Variants in GPC5 observed in about 807,000 individuals in gnomAD.
The protein encoded by GPC5 is glypican-5.
A neutral mutation model predicts 53.9 loss-of-function variants in GPC5; 47 were observed. That is an observed-to-expected ratio of 0.87 (90% CI 0.69 to 1.11). GPC5 has a LOEUF of 1.11. Ranked by LOEUF, GPC5 falls within the 50% of genes most tolerant of loss-of-function variation. GPC5 has a pLI of 0.00. For missense variants in GPC5, 748 were observed against 713.1 expected (o/e 1.05, Z -0.56); for synonymous variants, 286 against 263.3 (o/e 1.09, Z -0.84).
chr13:91,478,363 G>T (rs1006852829), intron 2 of GPC5, among the ~76,000 whole-genome samples: 2 of 151,768 alleles, frequency 1.3e-5, no homozygotes, highest in East Asian at 3.9e-4. Flanking sequence ...CCATTTCACT[G>T]TCTTTTTTCT....
intron 6 of GPC5, among the ~76,000 whole-genome samples, chr13:91,949,033 G>C (rs1378501182): frequency 6.6e-6 from 1 of 152,124 alleles, no homozygotes; most frequent in Non-Finnish European, 1.5e-5. Context: ...ATGATTACCA[G>C]GTAGTCGTTA....
intron 7 of GPC5, among the ~76,000 whole-genome samples, chr13:92,409,140 A>C (rs1008422525): frequency 2.6e-5 from 4 of 152,016 alleles, no homozygotes; most frequent in Non-Finnish European, 4.4e-5. Context: ...AAAATTAAAC[A>C]AATATATTTA....
intron 7 of GPC5, among the ~76,000 whole-genome samples, chr13:92,425,929 C>A (rs1357130205): frequency 6.6e-6 from 1 of 151,984 alleles, no homozygotes; most frequent in East Asian, 1.9e-4. Context: ...TTTCTAATAT[C>A]ATATTTACAC....
rs539675041 is a variant in GPC5 at position 92,412,768 on chromosome 13, G to T, written c.1561+267779G>T. Among the ~76,000 whole-genome samples the T allele has an allele frequency of 6.6e-4, 101 of 152,210 alleles. 1 individual carries two copies. The highest frequency in any genetic ancestry group is 2.2e-3 in the African/African-American group (91 of 41,552). ...GCCAACCCCTGAGTTAAATAACTTA[G>T]TAATACTTTACCTCTCTACTGAAAT... On this transcript the variant is annotated intron_variant, in intron 7 of 7. Coordinates refer to ENST00000377067, the MANE Select transcript of GPC5 (RefSeq NM_004466.6).
chr13:91,886,051 A>T (rs2039318369), intron 5 of GPC5, among the ~76,000 whole-genome samples: 1 of 152,090 alleles, frequency 6.6e-6, no homozygotes, highest in Admixed American at 6.6e-5. Flanking sequence ...AGATTGCGTT[A>T]GTCTATTTTC....
At chr13:92,331,129 T>C (rs1480862636) in intron 7 of GPC5, among the ~76,000 whole-genome samples, 2 of 152,218 alleles carry the variant, frequency 1.3e-5, no homozygotes, top group Non-Finnish European at 2.9e-5. Context: ...ATTACCTGTG[T>C]ATTATCTCTG....
At chr13:91,887,278 G>T (rs1594641743) in intron 5 of GPC5, among the ~76,000 whole-genome samples, 2 of 152,290 alleles carry the variant, frequency 1.3e-5, no homozygotes, top group African/African-American at 2.4e-5. Context: ...GGGTGGAGCG[G>T]CTGCAATGCA....
chr13:92,245,300 T>C (rs979765669), intron 7 of GPC5, among the ~76,000 whole-genome samples: 2 of 152,174 alleles, frequency 1.3e-5, no homozygotes, highest in Non-Finnish European at 2.9e-5. Flanking sequence ...CTACCCTATC[T>C]GAAGTAGCTT....
intron 7 of GPC5, among the ~76,000 whole-genome samples, chr13:92,461,884 C>A (rs116817252): frequency 0.01 from 1,545 of 152,288 alleles, 28 homozygotes; most frequent in African/African-American, 0.035. Context: ...ACAGCCTGAG[C>A]TAAGACAGAT....
chr13:92,513,733 T>C (rs1880666022), intron 7 of GPC5, among the ~76,000 whole-genome samples: 1 of 152,142 alleles, frequency 6.6e-6, no homozygotes, highest in African/African-American at 2.4e-5. Flanking sequence ...AAGAGATATC[T>C]TGGGGTTCGG....
intron 6 of GPC5, among the ~76,000 whole-genome samples, chr13:92,036,942 C>G (rs540120372): frequency 8.1e-4 from 123 of 152,270 alleles, no homozygotes; most frequent in African/African-American, 2.7e-3. Flanking sequence ...CTATAGTAGT[C>G]TCTGAAGTAC....
At position 92,391,970 on chromosome 13, in the gene GPC5, G is replaced by A. The variant is rs555500622; in HGVS notation, c.1561+246981G>A. 2.6e-5 allele frequency among the ~76,000 whole-genome samples: 4 copies of A among 152,112 alleles called. No individual in the cohort carries two copies. The South Asian group carries it at 8.3e-4, about 32-fold the overall frequency. On this transcript the variant is annotated intron_variant, in intron 7 of 7. Coordinates refer to ENST00000377067, the MANE Select transcript of GPC5 (RefSeq NM_004466.6). ...CCCCGGCTTTAATGACTTCATACAAGGAAAAAGTTATGTAATTTTAATAAA... is the reference window on the plus strand; with the variant it reads ...CCCCGGCTTTAATGACTTCATACAAAGAAAAAGTTATGTAATTTTAATAAA...
At chr13:92,205,711 T>C (rs1275309629) in intron 7 of GPC5, among the ~76,000 whole-genome samples, 1 of 152,108 alleles carries the variant, frequency 6.6e-6, no homozygotes, top group Non-Finnish European at 1.5e-5. Flanking sequence ...TAAATATACC[T>C]AACGTTTGGA....
At chr13:91,724,677 C>T (rs2036541633) in intron 3 of GPC5, among the ~76,000 whole-genome samples, 1 of 151,620 alleles carries the variant, frequency 6.6e-6, no homozygotes, top group Admixed American at 6.6e-5. Flanking sequence ...AGTGAGATCC[C>T]ATCTCTACAA....
intron 7 of GPC5, among the ~76,000 whole-genome samples, chr13:92,223,615 A>G (rs926563314): frequency 2.4e-4 from 37 of 151,634 alleles, no homozygotes; most frequent in East Asian, 3.9e-4. Flanking sequence ...ATGAAACCTC[A>G]TTGATTTTTT....
intron 7 of GPC5, among the ~76,000 whole-genome samples, chr13:92,569,021 C>T (rs1882942981): frequency 6.6e-6 from 1 of 150,656 alleles, no homozygotes; most frequent in African/African-American, 2.4e-5. Context: ...TGGTGTGCTG[C>T]ACCCATTAAC....
intron 7 of GPC5, among the ~76,000 whole-genome samples, chr13:92,834,130 A>G (rs1303706446): frequency 1.3e-5 from 2 of 152,294 alleles, no homozygotes; most frequent in Non-Finnish European, 2.9e-5. Flanking sequence ...AGACTCCGTG[A>G]TTGATTGGAG....
intron 3 of GPC5, among the ~76,000 whole-genome samples, chr13:91,696,396 T>G (rs536214967): frequency 6.6e-6 from 1 of 152,320 alleles, no homozygotes; most frequent in African/African-American, 2.4e-5. Context: ...GTCCTCTTTT[T>G]TACTTATGGG....
intron 6 of GPC5, among the ~76,000 whole-genome samples, chr13:92,105,794 A>G (rs2041504967): frequency 6.6e-6 from 1 of 152,022 alleles, no homozygotes; most frequent in African/African-American, 2.4e-5. Flanking sequence ...TTGTACCTAT[A>G]TATAAAACAA....
Sources: allele counts gnomAD v4.1 joint callset (sites outside exome capture counted in the v4.1 genomes callset), GRCh38; gene constraint gnomAD v4.1.1; transcripts MANE v1.5; gene names NCBI Gene and HGNC (gene_info 2026-07-23, HGNC 2026-07-21).